Variants in SH3PXD2A observed in about 807,000 individuals in gnomAD.
SH3PXD2A encodes the protein SH3 and PX domain-containing protein 2A.
Under a neutral mutation model 115.2 loss-of-function variants are expected in SH3PXD2A, and 32 were observed. That is an observed-to-expected ratio of 0.28 (90% CI 0.21 to 0.37). The LOEUF is 0.37. Among genes scored for constraint, SH3PXD2A ranks in the 10% least tolerant of loss-of-function variants. The pLI, the probability that SH3PXD2A is intolerant of heterozygous loss-of-function variation, is 1.00. For synonymous variants in SH3PXD2A, 610 were observed against 629.1 expected, an observed-to-expected ratio of 0.97 and a Z score of 0.45; for missense variants, 1,328 against 1,498.7, an observed-to-expected ratio of 0.89 and a Z score of 1.88.
chr10:103,792,483 T>C (rs1165378101), intron 2 of SH3PXD2A, among the ~76,000 whole-genome samples: 3 of 152,230 alleles, frequency 2.0e-5, no homozygotes, highest in African/African-American at 7.2e-5. Context: ...AGCTTACCTG[T>C]CTGGCGTCTC....
intron 2 of SH3PXD2A, among the ~76,000 whole-genome samples, chr10:103,781,033 G>T (rs1303097204): frequency 6.6e-6 from 1 of 152,182 alleles, no homozygotes; most frequent in Non-Finnish European, 1.5e-5. Context: ...CTGTTCCACA[G>T]CTCCCTCCTC....
chr10:103,841,768 TC>T (rs1195576432), intron 1 of SH3PXD2A, among the ~76,000 whole-genome samples: 1 of 151,858 alleles, frequency 6.6e-6, no homozygotes, highest in Admixed American at 6.6e-5. Flanking sequence ...CTTCCTCACC[TC>T]CCTCAAGTCT....
At chr10:103,659,609 A>G (rs540604160) in intron 8 of SH3PXD2A, among the ~76,000 whole-genome samples, 1 of 152,294 alleles carries the variant, frequency 6.6e-6, no homozygotes, top group East Asian at 1.9e-4. Flanking sequence ...CAGTGTGGGC[A>G]CCTGGGACGA....
chr10:103,849,036 C>T (rs1028803272), intron 1 of SH3PXD2A, among the ~76,000 whole-genome samples: 7 of 137,070 alleles, frequency 5.1e-5, no homozygotes, highest in Non-Finnish European at 6.1e-5. Context: ...CCCACGGCAG[C>T]GAGTGGTGGG....
chr10:103,743,926 G>T (rs773894561), intron 3 of SH3PXD2A, among the ~76,000 whole-genome samples: 1 of 152,216 alleles, frequency 6.6e-6, no homozygotes, highest in Non-Finnish European at 1.5e-5. Flanking sequence ...CAATAACAGG[G>T]TCTCGCTAGG....
intron 2 of SH3PXD2A, among the ~76,000 whole-genome samples, chr10:103,772,722 G>C (rs943571156): frequency 6.6e-6 from 1 of 152,192 alleles, no homozygotes; most frequent in African/African-American, 2.4e-5. Context: ...GGGGAGAGGG[G>C]AGGACGGGCG....
At chr10:103,663,367 C>T (rs576589234) in intron 7 of SH3PXD2A, among the ~76,000 whole-genome samples, 7 of 152,368 alleles carry the variant, frequency 4.6e-5, no homozygotes, top group East Asian at 1.9e-4. Context: ...AGGCAAGAGA[C>T]GACTCTAGCT....
At chr10:103,639,772 A>C (rs545676191) in intron 8 of SH3PXD2A, among the ~76,000 whole-genome samples, 7 of 152,212 alleles carry the variant, frequency 4.6e-5, no homozygotes, top group Non-Finnish European at 8.8e-5. Context: ...AAGATGGAAG[A>C]TGCAAGAAGG....
chr10:103,735,054 T>C (rs1463668283), intron 4 of SH3PXD2A, among the ~76,000 whole-genome samples: 1 of 152,216 alleles, frequency 6.6e-6, no homozygotes, highest in Non-Finnish European at 1.5e-5. Flanking sequence ...CCAGGAAGAC[T>C]GGCCCTCCAG....
intron 1 of SH3PXD2A, among the ~76,000 whole-genome samples, chr10:103,833,752 A>G (rs2039504065): frequency 6.6e-6 from 1 of 152,180 alleles, no homozygotes; most frequent in Non-Finnish European, 1.5e-5. Flanking sequence ...AAAGAAATGC[A>G]GCCTGACTCT....
At chr10:103,813,182 G>C (rs2039289495) in intron 1 of SH3PXD2A, among the ~76,000 whole-genome samples, 1 of 151,924 alleles carries the variant, frequency 6.6e-6, no homozygotes, top group African/African-American at 2.4e-5. Flanking sequence ...ATTGTATGGG[G>C]GGAAGTTTGC....
chr10:103,742,144 C>T (rs186977327), intron 3 of SH3PXD2A, among the ~76,000 whole-genome samples: 1 of 152,260 alleles, frequency 6.6e-6, no homozygotes, highest in East Asian at 1.9e-4. Context: ...GTGAGACTGT[C>T]TCAAATCAAA....
chr10:103,628,276 G>T (rs2036727440), intron 8 of SH3PXD2A, among the ~76,000 whole-genome samples: 1 of 152,160 alleles, frequency 6.6e-6, no homozygotes, highest in Non-Finnish European at 1.5e-5. Context: ...CTTCAACTAG[G>T]TCCCCACCGC....
Position 103,835,431 on chromosome 10 carries a change from T to C in SH3PXD2A, c.72+19764A>G, listed in dbSNP as rs2039527636. Among the ~76,000 whole-genome samples the C allele has an allele frequency of 2.0e-5, 3 of 152,200 alleles. No individual in the cohort carries two copies. In the South Asian group the frequency reaches 6.2e-4, roughly 31 times the overall value. ...GGTCTGTTTCTCTGCCATTCCCTTATTCGAAGTGAAATCGCTTAGCAGACA... is the reference window on the plus strand; with the variant it reads ...GGTCTGTTTCTCTGCCATTCCCTTACTCGAAGTGAAATCGCTTAGCAGACA... On this transcript the variant is annotated intron_variant, in intron 1 of 14. Coordinates refer to ENST00000369774, the MANE Select transcript of SH3PXD2A (RefSeq NM_001394015.1).
chr10:103,626,970 G>C (rs2036707269), intron 9 of SH3PXD2A, 119 bp downstream of exon 9: 2 of 632,690 alleles, frequency 3.2e-6, no homozygotes, highest in Non-Finnish European at 5.7e-6. Context: ...GATCCCAAGG[G>C]AGGAGGCTAG....
intron 2 of SH3PXD2A, among the ~76,000 whole-genome samples, chr10:103,777,006 C>T (rs907846528): frequency 6.6e-6 from 1 of 152,242 alleles, no homozygotes; most frequent in African/African-American, 2.4e-5. Flanking sequence ...AGAGTCTCTT[C>T]CTGAATCACA....
At chr10:103,714,622 C>G (rs2038084067) in intron 5 of SH3PXD2A, among the ~76,000 whole-genome samples, 1 of 152,320 alleles carries the variant, frequency 6.6e-6, no homozygotes, top group Non-Finnish European at 1.5e-5. Context: ...ACCTGCCCAC[C>G]CAGGTTGAAG....
chr10:103,785,656 G>A (rs1162921139), intron 2 of SH3PXD2A, among the ~76,000 whole-genome samples: 1 of 152,098 alleles, frequency 6.6e-6, no homozygotes, highest in Admixed American at 6.5e-5. Flanking sequence ...AGGCGCGTCT[G>A]TACGTGAGCC....
chr10:103,738,579 C>A (rs2038407259), intron 3 of SH3PXD2A, among the ~76,000 whole-genome samples: 2 of 152,084 alleles, frequency 1.3e-5, no homozygotes, highest in African/African-American at 4.8e-5. Context: ...CCAGGGGGAC[C>A]ACAGGAGGGT....
Sources: allele counts gnomAD v4.1 joint callset (sites outside exome capture counted in the v4.1 genomes callset), GRCh38; gene constraint gnomAD v4.1.1; transcripts MANE v1.5; gene names NCBI Gene and HGNC (gene_info 2026-07-23, HGNC 2026-07-21).